MUC5AC: variants seen among roughly 807,000 people sequenced by gnomAD.
The protein encoded by MUC5AC is mucin-5AC.
MUC5AC carries 158 observed loss-of-function variants against 169.7 expected under a neutral mutation model. The observed-to-expected ratio is 0.93, with a 90% confidence interval of 0.82 to 1.06. MUC5AC has a LOEUF of 1.06. Ranked by LOEUF, MUC5AC falls within the 50% of genes least tolerant of loss-of-function variation. The pLI is 0.00. For synonymous variants in MUC5AC, 1,975 were observed against 1,237.0 expected (o/e 1.60, Z -12.52); for missense variants, 4,359 against 3,089.9 (o/e 1.41, Z -9.74).
At chr11:1,162,300 G>A (rs1860166757) in intron 4 of MUC5AC, 132 bp downstream of exon 4, 1 of 1,397,946 alleles carries the variant, frequency 7.2e-7, no homozygotes, top group Admixed American at 2.4e-5. Context: ...GCTGGACATG[G>A]GCCCTCCCTC....
rs1424751692 is a variant in MUC5AC, at chr11:1,188,719, C to T, written c.10574C>T (p.Thr3525Ile). 6 of 764,664 alleles carry T rather than the reference C, an allele frequency of 7.8e-6. No individual in the cohort carries two copies. The highest frequency in any genetic ancestry group is 6.8e-5 in the African/African-American group (4 of 59,236). The allele number at this position is 764,664 out of a possible 1,614,324, so 47.4% of individuals were successfully genotyped here. Reference sequence around the variant, plus strand: ...ACCAGAGACTGTCATCCCCGGTGCACCTGGACCAAATGGTTTGATGTGGAC... The same window carrying T: ...ACCAGAGACTGTCATCCCCGGTGCATCTGGACCAAATGGTTTGATGTGGAC... Reference protein sequence around the residue: ...PVTRDCHPRCTWTKWFDVDFP... With the variant: ...PVTRDCHPRCIWTKWFDVDFP... Residue 3525 changes from threonine (T) to isoleucine (I), a missense_variant, in exon 31 of 49, where the codon ACC becomes ATC. By Grantham distance (89) the Thr-to-Ile change is moderately conservative. Transcript: ENST00000621226.
At chr11:1,169,907 C>T (rs1286318843) in intron 15 of MUC5AC, among the ~76,000 whole-genome samples, 9 of 138,726 alleles carry the variant, frequency 6.5e-5, no homozygotes, top group Admixed American at 1.4e-4. Flanking sequence ...CTCAACCATT[C>T]ACTCACCCAT....
chr11:1,175,817 C>CGCTCA (rs1158053125), intron 19 of MUC5AC, among the ~76,000 whole-genome samples: 1 of 30,854 alleles, frequency 3.2e-5, no homozygotes, highest in African/African-American at 1.4e-4. Flanking sequence ...CTCATGCACA[C>CGCTCA]CACACCCACT....
In MUC5AC at chr11:1,185,790, A is replaced by G; in HGVS notation, c.7645A>G (p.Thr2549Ala). Residue 2549 changes from threonine (T) to alanine (A), a missense_variant, in exon 31 of 49, where the codon ACC (threonine) becomes GCC (alanine). Transcript: ENST00000621226. ...AACCTCTGCTCCTACAACCAGCACA[A>G]CCTCTGCCCCTATAAGCAGCACAAC... Reference protein sequence around the residue: ...STTSAPTTSTTSAPISSTTSA... With the variant: ...STTSAPTTSTASAPISSTTSA... The G allele has an allele frequency of 4.1e-6, 3 of 740,474 alleles. No individual in the cohort carries two copies. Among genetic ancestry groups the G allele is most frequent in the South Asian group, 1.4e-5 (1 of 72,234 alleles). 45.9% of individuals were successfully genotyped at this position (740,474 alleles called of 1,614,324 possible). A position where few individuals can be genotyped will look rare whatever the true frequency, so the allele number is the denominator to read the frequency against.
In MUC5AC at chr11:1,190,164, C is replaced by T; in HGVS notation, c.12019C>T (p.His4007Tyr). The T allele has an allele frequency of 1.3e-6, 1 of 764,772 alleles. No homozygotes were observed. Among genetic ancestry groups the T allele is most frequent in the Non-Finnish European group, 2.4e-6 (1 of 417,760 alleles). The allele number at this position is 764,772 out of a possible 1,614,324, so 47.4% of individuals were successfully genotyped here. ...CAGGCTCCAGTGCCGAGCCGAGAGC[C>T]ACCCGGAGGTGAGCATCGAACACCT... ...ITRLQCRAES[H>Y]PEVSIEHLGQ... Residue 4007 changes from histidine to tyrosine, a missense_variant, in exon 31 of 49, where the codon CAC (histidine) becomes TAC (tyrosine). His to Tyr is a moderately conservative substitution (Grantham distance 83). Coordinates refer to ENST00000621226, the MANE Select transcript of MUC5AC (RefSeq NM_001304359.2).
At chr11:1,196,253 G>A (rs937357353) in intron 37 of MUC5AC, 135 bp from the exon 38 acceptor site, 16 of 666,898 alleles carry the variant, frequency 2.4e-5, no homozygotes, top group Non-Finnish European at 3.8e-5. Flanking sequence ...GCACTGGGGT[G>A]TGGGAGGCCG....
chr11:1,197,863 G>C (rs1018634891), intron 41 of MUC5AC, 40 bp from the exon 42 acceptor site: 5 of 694,628 alleles, frequency 7.2e-6, no homozygotes, highest in South Asian at 6.0e-5. Flanking sequence ...GGGTGGGGGC[G>C]GGGGACAGAC....
chr11:1,192,762 C>T, intron 31 of MUC5AC, 21 bp from the exon 32 acceptor site: 2 of 746,134 alleles, frequency 2.7e-6, no homozygotes, highest in Non-Finnish European at 4.9e-6. Flanking sequence ...CTAAAGGCTG[C>T]CATGTCCCTT....
chr11:1,192,032 T>C lies in MUC5AC; in HGVS notation c.13887T>C (p.Pro4629=), dbSNP rs76779582. The C allele has an allele frequency of 1.3e-6, 1 of 765,114 alleles. No individual in the cohort carries two copies. Among genetic ancestry groups the C allele is most frequent in the Non-Finnish European group, 2.4e-6 (1 of 417,908 alleles). 47.4% of individuals were successfully genotyped at this position (765,114 alleles called of 1,614,324 possible). A position where few individuals can be genotyped will look rare whatever the true frequency, so the allele number is the denominator to read the frequency against. The change falls in exon 31 of 49, where the codon CCT becomes CCC. Residue 4629 remains proline, a synonymous_variant. Coordinates refer to ENST00000621226, the MANE Select transcript of MUC5AC (RefSeq NM_001304359.2). ...AACCAGTCACCAGTGACTGTCATCCTCTGTGCGCCTGGACAAAGTGGTTCG... is the reference window on the plus strand; with the variant it reads ...AACCAGTCACCAGTGACTGTCATCCCCTGTGCGCCTGGACAAAGTGGTTCG... ...HSQPVTSDCH[P]LCAWTKWFDV...
chr11:1,191,713 C>T lies in MUC5AC; in HGVS notation c.13568C>T (p.Ser4523Phe), dbSNP rs34200684. ...CCTGTTCCCACCACCAGCACAACCT[C>T]TGCTCCTACAACCAGCACAACCTCT... ...PSPVPTTSTT[S>F]APTTSTTSAS... is the part of the protein sequence containing the mutation. Residue 4523 changes from serine to phenylalanine, a missense_variant, in exon 31 of 49, where the codon TCT becomes TTT. Physicochemically the swap from Ser to Phe is radical, Grantham distance 155. Transcript: ENST00000621226. The T allele has an allele frequency of 0.029, 16,104 of 564,556 alleles. 2,183 individuals are homozygous for T. The highest frequency in any genetic ancestry group is 0.04 in the Non-Finnish European group (11,666 of 295,036). 35.0% of individuals were successfully genotyped at this position (564,556 alleles called of 1,614,324 possible). A position where few individuals can be genotyped will look rare whatever the true frequency, so the allele number is the denominator to read the frequency against.
intron 22 of MUC5AC, 64 bp downstream of exon 22, chr11:1,177,130 C>A (rs1860707035): frequency 7.5e-6 from 3 of 398,572 alleles, no homozygotes; most frequent in Non-Finnish European, 1.3e-5. Flanking sequence ...CACTGCCTCT[C>A]TGCGGCTGCC....
In MUC5AC at chr11:1,200,599, C is replaced by T. The variant is rs745711254; in HGVS notation, c.16862C>T (p.Ala5621Val). 1.3e-5 allele frequency: 10 copies of T among 764,512 alleles called. No individual in the cohort carries two copies. The highest frequency in any genetic ancestry group is 4.0e-5 in the South Asian group (3 of 74,556). 47.4% of individuals were successfully genotyped at this position (764,512 alleles called of 1,614,324 possible). A position where few individuals can be genotyped will look rare whatever the true frequency, so the allele number is the denominator to read the frequency against. Residue 5621 changes from alanine to valine, a missense_variant, in exon 49 of 49, where the codon GCG (alanine) becomes GTG (valine). Coordinates refer to ENST00000621226, the MANE Select transcript of MUC5AC (RefSeq NM_001304359.2). ...ECGCMGRRCP[A>V]PGDTQHSEEA... Reference sequence around the variant, plus strand: ...GGCTGCATGGGCCGGCGGTGCCCTGCGCCGGGCGACACCCAGCACTCGGAG... The same window carrying T: ...GGCTGCATGGGCCGGCGGTGCCCTGTGCCGGGCGACACCCAGCACTCGGAG...
In MUC5AC at chr11:1,179,133, G is replaced by T. The variant is rs945312111; in HGVS notation, c.3369G>T (p.Ala1123=). The T allele has an allele frequency of 1.8e-5, 12 of 658,820 alleles. No individual in the cohort carries two copies. Among genetic ancestry groups the T allele is most frequent in the South Asian group, 8.2e-5 (5 of 60,946 alleles). The allele number at this position is 658,820 out of a possible 1,614,324, so 40.8% of individuals were successfully genotyped here. A position where few individuals can be genotyped will look rare whatever the true frequency, so the allele number is the denominator to read the frequency against. ...ACTACGAGGCCTGCGTGAACGACGC[G>T]TGCGCCTGCGACTCCGGGGGTGACT... ...ARYYEACVND[A]CACDSGGDCE... Residue 1123 remains alanine (A), a synonymous_variant, in exon 26 of 49, where the codon GCG becomes GCT. Coordinates refer to ENST00000621226, the MANE Select transcript of MUC5AC (RefSeq NM_001304359.2).
chr11:1,158,363 C>T (rs893106132), intron 1 of MUC5AC, among the ~76,000 whole-genome samples: 2 of 152,238 alleles, frequency 1.3e-5, no homozygotes, highest in Non-Finnish European at 2.9e-5. Flanking sequence ...CTGCACCTGT[C>T]CCCAGAAGCC....
Position 1,186,566 on chromosome 11 carries a change from C to T in MUC5AC, c.8421C>T (p.Ala2807=). The part of the protein sequence containing the change: ...TSTTITSTTS[A]PISSTTSTPQ... ...CTACTATAACCAGCACAACTTCTGC[C>T]CCTATAAGCAGCACAACTTCCACAC... Residue 2807 remains alanine, a synonymous_variant, in exon 31 of 49, where the codon GCC becomes GCT. Coordinates refer to ENST00000621226, the MANE Select transcript of MUC5AC (RefSeq NM_001304359.2). 1.4e-6 allele frequency: 1 copy of T among 702,418 alleles called. No homozygotes were observed. Among genetic ancestry groups the T allele is most frequent in the Non-Finnish European group, 2.6e-6 (1 of 385,356 alleles). The allele number at this position is 702,418 out of a possible 1,614,324, so 43.5% of individuals were successfully genotyped here.
At chr11:1,168,841 A>G (rs1316860921) in intron 14 of MUC5AC, 21 bp from the exon 15 acceptor site, 1 of 1,579,112 alleles carries the variant, frequency 6.3e-7, no homozygotes, top group African/African-American at 1.4e-5. Context: ...ATGGTCCTCA[A>G]CCTGCCTAAC....
At chr11:1,175,817 C>CACACT (rs1158053125) in intron 19 of MUC5AC, among the ~76,000 whole-genome samples, 5 of 30,840 alleles carry the variant, frequency 1.6e-4, no homozygotes, top group East Asian at 0.011. Context: ...CTCATGCACA[C>CACACT]CACACCCACT....
At position 1,174,515 on chromosome 11, in the gene MUC5AC, G is replaced by T; in HGVS notation, c.1985G>T (p.Cys662Phe). The T allele has an allele frequency of 6.4e-7, 1 of 1,559,778 alleles. No individual in the cohort carries two copies. Residue 662 changes from cysteine (C) to phenylalanine (F), a missense_variant, in exon 17 of 49, where the codon TGC becomes TTC. By Grantham distance (205) the Cys-to-Phe change is radical. Coordinates refer to ENST00000621226, the MANE Select transcript of MUC5AC (RefSeq NM_001304359.2). The stretch of plus-strand genomic sequence containing the variant: ...CTGCAGAACTGCATGTTTGACACCT[G>T]CAACTGTGAGCGGAGCGAGGACTGC... The part of the protein sequence containing the change: ...TYYSNCMFDT[C>F]NCERSEDCLC...
chr11:1,163,012 G>A lies in MUC5AC; in HGVS notation c.646G>A (p.Gly216Arg), dbSNP rs569198476. The A allele has an allele frequency of 1.6e-5, 25 of 1,612,656 alleles. No individual in the cohort carries two copies. The highest frequency in any genetic ancestry group is 2.0e-5 in the Non-Finnish European group (24 of 1,179,850). Residue 216 changes from glycine to arginine, a missense_variant, in exon 6 of 49, where the codon GGG (glycine) becomes AGG (arginine). Physicochemically the swap from Gly to Arg is moderately radical, Grantham distance 125. Transcript: ENST00000621226. ...CTGTGGGCTCTGTGGGGACTTCAAC[G>A]GGATGCCCGTGGTCAGCGAGCTCCT... ...KTCGLCGDFN[G>R]MPVVSELLSH...
Sources: allele counts gnomAD v4.1 joint callset (sites outside exome capture counted in the v4.1 genomes callset), GRCh38; gene constraint gnomAD v4.1.1; transcripts MANE v1.5; gene names NCBI Gene and HGNC (gene_info 2026-07-23, HGNC 2026-07-21).